VWA3A: variants seen among roughly 807,000 people sequenced by gnomAD.
The protein encoded by VWA3A is von Willebrand factor A domain containing 3A, also known as von Willebrand factor A domain-containing protein 3A.
A neutral mutation model predicts 160.4 loss-of-function variants in VWA3A; 134 were observed. The observed-to-expected ratio is 0.84, with a 90% CI of 0.73 to 0.96. The LOEUF is 0.96. Ranked by LOEUF, VWA3A falls within the 40% of genes least tolerant of loss-of-function variation. The probability of loss-of-function intolerance (pLI) is 0.00; values close to 1 mark genes in which losing one functional copy is unlikely to be tolerated. For missense variants in VWA3A, 1,310 were observed against 1,447.9 expected, an observed-to-expected ratio of 0.90 and a Z score of 1.55; for synonymous variants, 476 against 543.4, an observed-to-expected ratio of 0.88 and a Z score of 1.72.
chr16:22,111,478 C>T (rs1231364414), intron 8 of VWA3A, among the ~76,000 whole-genome samples: 2 of 152,008 alleles, frequency 1.3e-5, no homozygotes, highest in African/African-American at 4.8e-5. Context: ...TGCCACCACA[C>T]CCTGCTAAGT....
In VWA3A at chr16:22,123,095, T is replaced by C. The variant is rs1012227432; in HGVS notation, c.1367T>C (p.Ile456Thr). ...VSSTIHEKAM[I>T]QFEWHDGTVK... is the part of the protein sequence containing the mutation. ...CATGCCTGAGTATAGAAGGCAATGATACAATTTGAATGGCACGACGGGACA... is the reference window on the plus strand; with the variant it reads ...CATGCCTGAGTATAGAAGGCAATGACACAATTTGAATGGCACGACGGGACA... Residue 456 changes from isoleucine to threonine, a missense_variant, in exon 15 of 34, where the codon ATA becomes ACA. Transcript: ENST00000389398. 6 of 1,602,894 alleles carry C rather than the reference T, an allele frequency of 3.7e-6. No homozygotes were observed. Among genetic ancestry groups the C allele is most frequent in the Middle Eastern group, 1.6e-4 (1 of 6,072 alleles).
intron 6 of VWA3A, among the ~76,000 whole-genome samples, chr16:22,104,689 A>AT (rs1277087075): frequency 6.6e-6 from 1 of 152,032 alleles, no homozygotes; most frequent in Admixed American, 6.6e-5. Flanking sequence ...TTAAAAAAAA[A>AT]AAATTTTTTT....
intron 11 of VWA3A, among the ~76,000 whole-genome samples, chr16:22,118,489 T>C (rs2045681622): frequency 6.6e-6 from 1 of 151,850 alleles, no homozygotes; most frequent in South Asian, 2.1e-4. Context: ...ATTGAGACCA[T>C]CCTGGCTAAC....
At chr16:22,124,292 T>C (rs2141926430) in intron 16 of VWA3A, among the ~76,000 whole-genome samples, 1 of 151,196 alleles carries the variant, frequency 6.6e-6, no homozygotes, top group Admixed American at 6.6e-5. Flanking sequence ...ATGTTCTGAT[T>C]GGCCAGGGTC....
intron 16 of VWA3A, 125 bp downstream of exon 16, chr16:22,123,832 C>A: frequency 1.2e-6 from 1 of 864,048 alleles, no homozygotes; most frequent in Non-Finnish European, 1.8e-6. Context: ...TTAGGAATCT[C>A]TCAGCAGAAC....
At chr16:22,114,952 T>C (rs2045609167) in intron 8 of VWA3A, among the ~76,000 whole-genome samples, 1 of 152,046 alleles carries the variant, frequency 6.6e-6, no homozygotes, top group African/African-American at 2.4e-5. Context: ...ATTACAGGCA[T>C]GTACCACCAT....
At chr16:22,145,071 T>C (rs1457983624) in intron 26 of VWA3A, among the ~76,000 whole-genome samples, 3 of 152,166 alleles carry the variant, frequency 2.0e-5, no homozygotes, top group Non-Finnish European at 4.4e-5. Context: ...AGGGTTCTCT[T>C]TTCTATTTTC....
In VWA3A at chr16:22,108,613, G is replaced by T. The variant is rs191533627; in HGVS notation, c.484-869G>T. Among the ~76,000 whole-genome samples, 210 of 152,308 alleles carry T rather than the reference G, an allele frequency of 1.4e-3. 1 individual carries two copies. Among genetic ancestry groups the T allele is most frequent in the Admixed American group, 3.7e-3 (57 of 15,294 alleles). ...AGGAGATGTAAAATACTCTCTGAGA[G>T]CAGAAGAGTGAATTCAACAGGAAAA... On this transcript the variant is annotated intron_variant, in intron 6 of 33. Coordinates refer to ENST00000389398, the MANE Select transcript of VWA3A (RefSeq NM_173615.5).
chr16:22,113,363 CTTTTTTTT>C (rs569069206), intron 8 of VWA3A, among the ~76,000 whole-genome samples: 8 of 46,262 alleles, frequency 1.7e-4, no homozygotes, highest in South Asian at 2.8e-3. Flanking sequence ...GGCTAATTTT[CTTTTTTTT>C]TTTTTTTTTT....
intron 6 of VWA3A, among the ~76,000 whole-genome samples, chr16:22,105,960 G>A (rs193273757): frequency 2.2e-4 from 34 of 152,338 alleles, no homozygotes; most frequent in East Asian, 1.5e-3. Context: ...ACCAGTACTT[G>A]CTGAAGGAAT....
intron 8 of VWA3A, among the ~76,000 whole-genome samples, chr16:22,113,473 C>T (rs1019078089): frequency 6.7e-6 from 1 of 148,490 alleles, no homozygotes; most frequent in Non-Finnish European, 1.5e-5. Flanking sequence ...GATCCGCCCT[C>T]CTTGGCCTCC....
chr16:22,155,811 G>A (rs1274894567), intron 32 of VWA3A, 40 bp from the exon 33 acceptor site: 1 of 1,613,276 alleles, frequency 6.2e-7, no homozygotes, highest in African/African-American at 1.3e-5. Context: ...AGAAATCTGG[G>A]CACCAGGGAG....
chr16:22,120,612 G>A (rs1194840402), intron 12 of VWA3A, among the ~76,000 whole-genome samples: 3 of 152,196 alleles, frequency 2.0e-5, no homozygotes, highest in African/African-American at 7.2e-5. Context: ...CTTTGTCAAT[G>A]TGGCCACAGG....
At chr16:22,108,901 GT>G (rs1252074501) in intron 6 of VWA3A, among the ~76,000 whole-genome samples, 1 of 152,178 alleles carries the variant, frequency 6.6e-6, no homozygotes, top group Non-Finnish European at 1.5e-5. Context: ...TAACTGTAGA[GT>G]AATACCGTTT....
chr16:22,104,455 C>T (rs1172086778), intron 6 of VWA3A, among the ~76,000 whole-genome samples: 2 of 152,128 alleles, frequency 1.3e-5, no homozygotes, highest in Non-Finnish European at 2.9e-5. Context: ...CGCCATTGCA[C>T]TCTAGCCTGG....
intron 10 of VWA3A, 27 bp downstream of exon 10, chr16:22,116,894 C>T (rs775980342): frequency 3.7e-6 from 6 of 1,600,324 alleles, no homozygotes; most frequent in Middle Eastern, 3.3e-4. Flanking sequence ...CTCTGAGGTG[C>T]CCCTTGGCTT....
At chr16:22,150,628 G>A (rs2046331845) in intron 29 of VWA3A, 67 bp from the exon 30 acceptor site, 1 of 1,518,226 alleles carries the variant, frequency 6.6e-7, no homozygotes, top group Non-Finnish European at 8.8e-7. Flanking sequence ...CTACCTTTAG[G>A]CATTTGGTTC....
chr16:22,131,752 G>A, intron 19 of VWA3A, 23 bp downstream of exon 19: 1 of 1,606,946 alleles, frequency 6.2e-7, no homozygotes, highest in Non-Finnish European at 8.5e-7. Flanking sequence ...CGTCCTGGGT[G>A]TCCATTATCC....
chr16:22,125,312 G>A (rs913701244), intron 16 of VWA3A, among the ~76,000 whole-genome samples: 1 of 151,976 alleles, frequency 6.6e-6, no homozygotes, highest in Non-Finnish European at 1.5e-5. Context: ...CTTGAGCCCA[G>A]GAGGTTGAGG....
Sources: allele counts gnomAD v4.1 joint callset (sites outside exome capture counted in the v4.1 genomes callset), GRCh38; gene constraint gnomAD v4.1.1; transcripts MANE v1.5; gene names NCBI Gene and HGNC (gene_info 2026-07-23, HGNC 2026-07-21).